Variants in CNTN4 observed in about 807,000 individuals in gnomAD.
CNTN4 encodes contactin-4.
A neutral mutation model predicts 122.5 loss-of-function variants in CNTN4; 77 were observed. The observed-to-expected ratio is 0.63, with a 90% CI of 0.52 to 0.76. The LOEUF (loss-of-function observed/expected upper bound fraction) is 0.76, where lower values mean the gene tolerates loss of function less well. Ranked by LOEUF, CNTN4 falls within the 30% of genes least tolerant of loss-of-function variation. The pLI, the probability that CNTN4 is intolerant of heterozygous loss-of-function variation, is 0.00. For synonymous variants in CNTN4, 512 were observed against 447.0 expected, an observed-to-expected ratio of 1.15 and a Z score of -1.83; for missense variants, 1,256 against 1,259.1, an observed-to-expected ratio of 1.00 and a Z score of 0.04.
chr3:2,602,857 C>G (rs2081105366), intron 4 of CNTN4, among the ~76,000 whole-genome samples: 1 of 152,154 alleles, frequency 6.6e-6, no homozygotes, highest in African/African-American at 2.4e-5. Flanking sequence ...AATGTGCTTT[C>G]TTAAGTCTCA....
chr3:2,787,207 T>C (rs1427589805), intron 6 of CNTN4, among the ~76,000 whole-genome samples: 2 of 152,044 alleles, frequency 1.3e-5, no homozygotes. Context: ...CGAAACCCTG[T>C]CTCTATTAAA....
intron 3 of CNTN4, among the ~76,000 whole-genome samples, chr3:2,490,963 C>G (rs998388705): frequency 1.3e-5 from 2 of 152,054 alleles, no homozygotes; most frequent in African/African-American, 4.8e-5. Flanking sequence ...ATCTAGAGAT[C>G]AAGATACCAC....
chr3:3,038,842 A>T, intron 18 of CNTN4, 91 bp from the exon 19 acceptor site: 1 of 1,002,506 alleles, frequency 1.0e-6, no homozygotes, highest in Non-Finnish European at 1.6e-6. Flanking sequence ...CAGAGTACTC[A>T]CTGAAAGTGA....
chr3:2,925,053 C>T (rs115534608), intron 12 of CNTN4, among the ~76,000 whole-genome samples: 2,080 of 152,038 alleles, frequency 0.014, 47 homozygotes, highest in African/African-American at 0.048. Context: ...TAAAAGAGTC[C>T]CTCAACAGGG....
chr3:2,205,256 A>G (rs941589851), intron 2 of CNTN4, among the ~76,000 whole-genome samples: 2 of 150,436 alleles, frequency 1.3e-5, no homozygotes, highest in Non-Finnish European at 3.0e-5. Flanking sequence ...TCTAAATATC[A>G]ATATTATTAT....
intron 7 of CNTN4, among the ~76,000 whole-genome samples, chr3:2,826,204 T>G (rs1164134288): frequency 2.6e-5 from 4 of 152,090 alleles, no homozygotes; most frequent in Admixed American, 6.6e-5. Flanking sequence ...GTGTCAGTGG[T>G]TCTTTGGCGC....
At chr3:2,367,606 C>T (rs530513576) in intron 3 of CNTN4, among the ~76,000 whole-genome samples, 16 of 152,040 alleles carry the variant, frequency 1.1e-4, no homozygotes, top group African/African-American at 3.1e-4. Context: ...CTCACTGCAA[C>T]CTCCTCCTCC....
At position 2,470,299 on chromosome 3, in the gene CNTN4, T is replaced by C. The variant is rs1009690790; in HGVS notation, c.-88-101117T>C. On this transcript the variant is annotated intron_variant, in intron 3 of 24. Coordinates refer to ENST00000418658, the MANE Select transcript of CNTN4 (RefSeq NM_175607.3). ...CACCGTGTTAGCCCAGTGGTCTCGA[T>C]CTCCTGACCTCATGATTCACCCATG... Among the ~76,000 whole-genome samples the C allele has an allele frequency of 2.6e-5, 4 of 152,184 alleles. 1 individual carries two copies. The highest frequency in any genetic ancestry group is 9.6e-5 in the African/African-American group (4 of 41,560).
intron 7 of CNTN4, among the ~76,000 whole-genome samples, chr3:2,837,528 G>T: frequency 6.6e-6 from 1 of 152,088 alleles, no homozygotes; most frequent in East Asian, 1.9e-4. Context: ...ACACAGCAAC[G>T]GTCAGACTAC....
chr3:2,786,226 G>C (rs1047013398), intron 6 of CNTN4, among the ~76,000 whole-genome samples: 1 of 152,082 alleles, frequency 6.6e-6, no homozygotes, highest in Non-Finnish European at 1.5e-5. Context: ...GCTGGACAAG[G>C]ACCTGAGTGC....
chr3:2,553,084 C>G (rs1344729355), intron 3 of CNTN4, among the ~76,000 whole-genome samples: 1 of 152,118 alleles, frequency 6.6e-6, no homozygotes, highest in Admixed American at 6.6e-5. Flanking sequence ...ATTTTTCTTC[C>G]AGGTTTGGGG....
chr3:2,770,818 T>C (rs987243395), intron 6 of CNTN4, among the ~76,000 whole-genome samples: 1 of 152,224 alleles, frequency 6.6e-6, no homozygotes, highest in Non-Finnish European at 1.5e-5. Flanking sequence ...CCAGTTACCA[T>C]TTGAGGCATA....
chr3:2,399,100 GA>G (rs2046746062), intron 3 of CNTN4, among the ~76,000 whole-genome samples: 1 of 151,788 alleles, frequency 6.6e-6, no homozygotes, highest in Admixed American at 6.6e-5. Context: ...TTGAACTGGG[GA>G]AAAAAAGAAA....
intron 2 of CNTN4, among the ~76,000 whole-genome samples, chr3:2,106,113 G>A (rs940896708): frequency 8.5e-5 from 13 of 152,212 alleles, no homozygotes; most frequent in Admixed American, 2.6e-4. Context: ...ACTGTCTGGG[G>A]CAGTTCTGCC....
intron 2 of CNTN4, among the ~76,000 whole-genome samples, chr3:2,149,375 G>A (rs1356253771): frequency 6.6e-6 from 1 of 152,154 alleles, no homozygotes; most frequent in African/African-American, 2.4e-5. Context: ...CTTTTAGTCT[G>A]TAGAGGGATA....
intron 3 of CNTN4, among the ~76,000 whole-genome samples, chr3:2,501,675 G>A (rs888503415): frequency 1.3e-5 from 2 of 151,940 alleles, no homozygotes; most frequent in Admixed American, 1.3e-4. Flanking sequence ...CTCTCATAAG[G>A]ACCCCTGTGA....
intron 6 of CNTN4, among the ~76,000 whole-genome samples, chr3:2,765,317 C>T (rs544961138): frequency 6.6e-6 from 1 of 152,306 alleles, no homozygotes; most frequent in South Asian, 2.1e-4. Flanking sequence ...CTAACGAAGT[C>T]AGGAAAAGCC....
intron 3 of CNTN4, among the ~76,000 whole-genome samples, chr3:2,438,126 C>A (rs1466135347): frequency 6.6e-6 from 1 of 152,216 alleles, no homozygotes; most frequent in African/African-American, 2.4e-5. Flanking sequence ...ACTTTCTACT[C>A]TTTCTTAACA....
At chr3:2,724,911 G>A (rs907551523) in intron 4 of CNTN4, among the ~76,000 whole-genome samples, 1 of 152,166 alleles carries the variant, frequency 6.6e-6, no homozygotes, top group Non-Finnish European at 1.5e-5. Flanking sequence ...TCTTGGGAGC[G>A]TTGGAGAGAT....
Sources: allele counts gnomAD v4.1 joint callset (sites outside exome capture counted in the v4.1 genomes callset), GRCh38; gene constraint gnomAD v4.1.1; transcripts MANE v1.5; gene names NCBI Gene and HGNC (gene_info 2026-07-23, HGNC 2026-07-21).